The following ING5 variants were observed in gnomAD, a reference collection of about 807,000 sequenced individuals.
The protein encoded by ING5 is inhibitor of growth family member 5.
In ING5, 17 loss-of-function variants were observed where a neutral mutation model predicts 37.4. The ratio of observed to expected loss-of-function variants is 0.45; its 90% confidence interval spans 0.31 to 0.68. The LOEUF (loss-of-function observed/expected upper bound fraction) is 0.68. Ranked by LOEUF, ING5 falls within the 30% of genes least tolerant of loss-of-function variation. The pLI, the probability that ING5 is intolerant of heterozygous loss-of-function variation, is 0.05. For synonymous variants in ING5, 123 were observed against 116.6 expected (o/e 1.06, Z -0.36); for missense variants, 233 against 311.9 (o/e 0.75, Z 1.91).
intron 6 of ING5, 21 bp from the exon 7 acceptor site, chr2:241,723,189 G>A (rs748544394): frequency 6.2e-7 from 1 of 1,614,044 alleles, no homozygotes; most frequent in African/African-American, 1.3e-5. Flanking sequence ...GTTGACTGCG[G>A]TTTCTCCCTT....
chr2:241,700,553 T>A (rs1212640864), upstream of ING5, among the ~76,000 whole-genome samples: 1 of 152,004 alleles, frequency 6.6e-6, no homozygotes, highest in Non-Finnish European at 1.5e-5. Flanking sequence ...CCTCCCAAGC[T>A]CAAGCGATTC....
intron 2 of ING5, among the ~76,000 whole-genome samples, chr2:241,705,394 C>CTTTTTTTTTTT (rs774566608): frequency 1.1e-4 from 13 of 117,268 alleles, no homozygotes; most frequent in South Asian, 3.2e-4. Context: ...CTGTTTTTTT[C>CTTTTTTTTTTT]TTTTTTTTTT....
At chr2:241,715,073 A>G (rs1262852314) in intron 5 of ING5, among the ~76,000 whole-genome samples, 1 of 152,016 alleles carries the variant, frequency 6.6e-6, no homozygotes, top group Non-Finnish European at 1.5e-5. Flanking sequence ...TGATTTTTAT[A>G]TCTTCCTTGT....
In ING5 at chr2:241,725,018, G is replaced by A. The variant is rs1301900326; in HGVS notation, c.710G>A (p.Arg237Lys). 1 of 1,614,130 alleles carries A rather than the reference G, an allele frequency of 6.2e-7. No individual in the cohort carries two copies. The highest frequency in any genetic ancestry group is 8.5e-7 in the Non-Finnish European group (1 of 1,179,972). The change falls in exon 8 of 8, where the codon AGG (arginine) becomes AAG (lysine). Residue 237 changes from arginine (R) to lysine (K), a missense_variant. Coordinates refer to ENST00000313552, the MANE Select transcript of ING5 (RefSeq NM_032329.6). The stretch of plus-strand genomic sequence containing the variant: ...TGTCCACGGTGTGTCCAGGAAAAGA[G>A]GAAGAAGAAGTAGGAGGAGCTGTGT... ...WFCPRCVQEKRKKK is the reference protein window; with the variant it reads ...WFCPRCVQEKKKKK
At position 241,715,629 on chromosome 2, in the gene ING5, C is replaced by T. The variant is rs149954525; in HGVS notation, c.482+3558C>T. ...TCCTGGGTAGCTGGGATTACAGGCACGTATCACCATGCCTGGCTAATTTTT... is the reference window on the plus strand; with the variant it reads ...TCCTGGGTAGCTGGGATTACAGGCATGTATCACCATGCCTGGCTAATTTTT... On this transcript the variant is annotated intron_variant, in intron 5 of 7. Transcript: ENST00000313552. Among the ~76,000 whole-genome samples the T allele has an allele frequency of 5.5e-3, 830 of 151,578 alleles. 4 individuals carry two copies. The highest frequency in any genetic ancestry group is 0.019 in the African/African-American group (777 of 41,336).
chr2:241,722,929 T>TC lies in ING5; in HGVS notation c.483-6dup. On this transcript the variant is annotated splice_polypyrimidine_tract_variant and intron_variant, in intron 5 of 7. Transcript: ENST00000313552. ...GGCCTTCAGTGGTGCCTGTGCCCTG[T>TC]CCCCTGCAGGTCTGAGTTCACTGAC... The TC allele has an allele frequency of 6.2e-7, 1 of 1,613,674 alleles. No homozygotes were observed. The highest frequency in any genetic ancestry group is 1.3e-5 in the African/African-American group (1 of 75,022).
intron 2 of ING5, among the ~76,000 whole-genome samples, chr2:241,696,800 A>G (rs1186368212): frequency 6.6e-6 from 1 of 151,766 alleles, no homozygotes; most frequent in African/African-American, 2.4e-5. Context: ...AATAATAACC[A>G]AGGCTGGGTG....
chr2:241,724,415 G>A (rs147736706), intron 7 of ING5, among the ~76,000 whole-genome samples: 15 of 152,224 alleles, frequency 9.9e-5, no homozygotes, highest in African/African-American at 2.9e-4. Context: ...TGGGCCAGGC[G>A]GTGGTTGACG....
intron 2 of ING5, 129 bp downstream of exon 2, chr2:241,704,853 G>T: frequency 1.4e-6 from 1 of 737,584 alleles, no homozygotes; most frequent in Admixed American, 2.0e-5. Flanking sequence ...GCCCTGGGCC[G>T]TGGGTATCAC....
chr2:241,711,921 A>G (rs1256761636), intron 4 of ING5, 57 bp from the exon 5 acceptor site: 2 of 1,456,888 alleles, frequency 1.4e-6, no homozygotes, highest in Non-Finnish European at 1.9e-6. Flanking sequence ...AAAACACAAA[A>G]CTTGCCTTGC....
At chr2:241,716,905 A>G (rs1039554339) in intron 5 of ING5, among the ~76,000 whole-genome samples, 1 of 152,182 alleles carries the variant, frequency 6.6e-6, no homozygotes, top group African/African-American at 2.4e-5. Flanking sequence ...GACGTTGGAT[A>G]CAGAATTTCA....
intron 7 of ING5, chr2:241,723,932 C>A: frequency 1.6e-6 from 2 of 1,285,124 alleles, no homozygotes; most frequent in Non-Finnish European, 2.2e-6. Flanking sequence ...ATGGCTTGAG[C>A]CTGGAAGTCC....
At chr2:241,704,827 G>A (rs1017663621) in intron 2 of ING5, 103 bp downstream of exon 2, 9 of 915,252 alleles carry the variant, frequency 9.8e-6, no homozygotes, top group African/African-American at 9.8e-5. Flanking sequence ...ACCCAGGTTA[G>A]TGGGGCATTG....
chr2:241,727,027 CCT>C lies in ING5; in HGVS notation c.*1998_*1999del, dbSNP rs1338442622. ...AACCAGGATGGTCTCGATCTCCTGA[CCT>C]CACGATTTGCCCGCCTCGGCTTCCC... On this transcript the variant is annotated 3_prime_UTR_variant, in exon 8 of 8. Coordinates refer to ENST00000313552, the MANE Select transcript of ING5 (RefSeq NM_032329.6). 6.6e-6 allele frequency: 1 copy of C among 152,278 alleles called. No individual in the cohort carries two copies. The allele number at this position is 152,278 out of a possible 1,614,324, so 9.4% of individuals were successfully genotyped here. A position where few individuals can be genotyped will look rare whatever the true frequency, so the allele number is the denominator to read the frequency against.
Position 241,712,957 on chromosome 2 carries a change from C to T in ING5, c.482+886C>T, listed in dbSNP as rs7590618. ...CTGGGAGGATCATGAGCCACGATCG[C>T]ACCACTACATTCCAGCCTGGGCCAC... On this transcript the variant is annotated intron_variant, in intron 5 of 7. Transcript: ENST00000313552. Among the ~76,000 whole-genome samples the T allele has an allele frequency of 9.6e-3, 1,421 of 148,636 alleles. 21 individuals are homozygous for T. The highest frequency in any genetic ancestry group is 0.034 in the African/African-American group (1,377 of 40,334).
At chr2:241,721,126 G>A in intron 5 of ING5, 1 of 985,598 alleles carries the variant, frequency 1.0e-6, no homozygotes, top group Non-Finnish European at 1.2e-6. Flanking sequence ...ACGGTTGGCA[G>A]CAGAGGGTGC....
At chr2:241,718,419 CTTT>C (rs1256765166) in intron 5 of ING5, among the ~76,000 whole-genome samples, 1 of 85,828 alleles carries the variant, frequency 1.2e-5, no homozygotes, top group Non-Finnish European at 2.3e-5. Context: ...CTCTTTCTGT[CTTT>C]TTTTTTTTTT....
At chr2:241,687,446 A>C in exon 1 of ING5, 1 of 398,714 alleles carries the variant, frequency 2.5e-6, no homozygotes, top group East Asian at 3.6e-5. Flanking sequence ...CAATTGTAGG[A>C]GAACCATGGG....
At chr2:241,722,686 T>C (rs1259024536) in intron 5 of ING5, 1 of 985,346 alleles carries the variant, frequency 1.0e-6, no homozygotes, top group Non-Finnish European at 1.2e-6. Context: ...ACAAGGTGTG[T>C]ATTCAGTTAG....
Sources: gnomAD v4.1 joint callset for allele counts (sites outside exome capture counted in the v4.1 genomes callset) on GRCh38, gnomAD v4.1.1 for gene constraint, MANE v1.5 for transcripts, NCBI Gene and HGNC (gene_info 2026-07-23, HGNC 2026-07-21) for gene names.